TOR4A: variants seen among roughly 807,000 people sequenced by gnomAD.
TOR4A encodes torsin-4A.
TOR4A carries 12 observed loss-of-function variants against 11.5 expected under a neutral mutation model. That is an observed-to-expected ratio of 1.04 (90% CI 0.67 to 1.69). TOR4A has a LOEUF of 1.69. Among genes scored for constraint, TOR4A ranks in the 40% most tolerant of loss-of-function variants. The pLI, the probability that TOR4A is intolerant of heterozygous loss-of-function variation, is 0.00. For synonymous variants in TOR4A, 362 were observed against 307.4 expected (o/e 1.18, Z -1.86); for missense variants, 640 against 643.2 (o/e 0.99, Z 0.05).
rs1370499961 is a variant in TOR4A at position 137,280,109 on chromosome 9, G to C, written c.*148G>C. The C allele has an allele frequency of 1.1e-6, 1 of 877,178 alleles. No individual in the cohort carries two copies. Among genetic ancestry groups the C allele is most frequent in the East Asian group, 2.7e-5 (1 of 37,184 alleles). 54.3% of individuals were successfully genotyped at this position (877,178 alleles called of 1,614,324 possible). A position where few individuals can be genotyped will look rare whatever the true frequency, so the allele number is the denominator to read the frequency against. On this transcript the variant is annotated 3_prime_UTR_variant, in exon 2 of 2. Coordinates refer to ENST00000357503, the MANE Select transcript of TOR4A (RefSeq NM_017723.3). ...GGATCAGCTTGGAGCTCTGCTTCCA[G>C]GTCCACACCCGCCTCAGAGTCCGGA... is the stretch of plus-strand genomic sequence containing the variant.
At position 137,279,642 on chromosome 9, in the gene TOR4A, C is replaced by T. The variant is rs778311391; in HGVS notation, c.953C>T (p.Ala318Val). The stretch of plus-strand genomic sequence containing the variant: ...TTCGTGCTGCAGAACGCGTCCCGCG[C>T]GCTGCCCCTGCGCCCCGACGGCTTC... Reference protein sequence around the residue: ...TRFVLQNASRALPLRPDGFRS... With the variant: ...TRFVLQNASRVLPLRPDGFRS... The change falls in exon 2 of 2, where the codon GCG becomes GTG. Residue 318 changes from alanine to valine, a missense_variant. Transcript: ENST00000357503. 1.3e-5 allele frequency: 21 copies of T among 1,561,182 alleles called. No individual in the cohort carries two copies. The African/African-American group carries it at 2.4e-4, about 18-fold the overall frequency.
rs1235065218 is a variant in TOR4A, at chr9:137,279,940, G to A, written c.1251G>A (p.Val417=). ...EFAVTGCKQV[V]ATVNLL Reference sequence around the variant, plus strand: ...CCGTCACCGGCTGCAAGCAGGTGGTGGCCACGGTGAACCTCCTGTAGTGGA... The same window carrying A: ...CCGTCACCGGCTGCAAGCAGGTGGTAGCCACGGTGAACCTCCTGTAGTGGA... Residue 417 remains valine (V), a synonymous_variant, in exon 2 of 2, where the codon GTG becomes GTA. Coordinates refer to ENST00000357503, the MANE Select transcript of TOR4A (RefSeq NM_017723.3). The A allele has an allele frequency of 6.3e-7, 1 of 1,580,084 alleles. No homozygotes were observed. The highest frequency in any genetic ancestry group is 2.3e-5 in the East Asian group (1 of 43,106).
rs1009750430 is a variant in TOR4A, at chr9:137,282,266, T to C, written c.*2305T>C. On this transcript the variant is annotated 3_prime_UTR_variant, in exon 2 of 2. Coordinates refer to ENST00000357503, the MANE Select transcript of TOR4A (RefSeq NM_017723.3). ...CCCAGGCTGGAGTGCAATGACACGATCTCGGTTCACTGCAACCTCTGCCTC... is the reference window on the plus strand; with the variant it reads ...CCCAGGCTGGAGTGCAATGACACGACCTCGGTTCACTGCAACCTCTGCCTC... 1.2e-5 allele frequency: 2 copies of C among 163,848 alleles called. No individual in the cohort carries two copies. The highest frequency in any genetic ancestry group is 3.9e-4 in the East Asian group (2 of 5,188). 10.1% of individuals were successfully genotyped at this position (163,848 alleles called of 1,614,324 possible).
At position 137,279,894 on chromosome 9, in the gene TOR4A, G is replaced by T; in HGVS notation, c.1205G>T (p.Arg402Leu). 6.3e-7 allele frequency: 1 copy of T among 1,579,212 alleles called. No individual in the cohort carries two copies. Among genetic ancestry groups the T allele is most frequent in the Non-Finnish European group, 8.6e-7 (1 of 1,165,140 alleles). Reference sequence around the variant, plus strand: ...CTGGCCGCGCAGCTCAGCTTCTACCGCGTGGCTGGCCGCGAGTTTGCCGTC... The same window carrying T: ...CTGGCCGCGCAGCTCAGCTTCTACCTCGTGGCTGGCCGCGAGTTTGCCGTC... Reference protein sequence around the residue: ...ENLAAQLSFYRVAGREFAVTG... With the variant: ...ENLAAQLSFYLVAGREFAVTG... Residue 402 changes from arginine (R) to leucine (L), a missense_variant, in exon 2 of 2, where the codon CGC becomes CTC. Transcript: ENST00000357503.
At position 137,279,034 on chromosome 9, in the gene TOR4A, C is replaced by G; in HGVS notation, c.345C>G (p.His115Gln). The G allele has an allele frequency of 6.2e-7, 1 of 1,605,158 alleles. No homozygotes were observed. The highest frequency in any genetic ancestry group is 8.5e-7 in the Non-Finnish European group (1 of 1,176,512). ...GCAAGTATCGGCCGCGCGTGGAGCA[C>G]AGGAGCCGCGCGCAGCGCTGCCTTC... Reference protein sequence around the residue: ...TSRKYRPRVEHRSRAQRCLLL... With the variant: ...TSRKYRPRVEQRSRAQRCLLL... The change falls in exon 2 of 2, where the codon CAC becomes CAG. Residue 115 changes from histidine (H) to glutamine (Q), a missense_variant. His to Gln is a conservative substitution (Grantham distance 24). Coordinates refer to ENST00000357503, the MANE Select transcript of TOR4A (RefSeq NM_017723.3).
At position 137,279,851 on chromosome 9, in the gene TOR4A, C is replaced by A. The variant is rs762277072; in HGVS notation, c.1162C>A (p.Gln388Lys). 6 of 1,591,036 alleles carry A rather than the reference C, an allele frequency of 3.8e-6. No homozygotes were observed. The highest frequency in any genetic ancestry group is 5.1e-6 in the Non-Finnish European group (6 of 1,172,610). ...EMAGEGFFPD[Q>K]ARAENLAAQL... ...GGCGGGTGAGGGCTTCTTTCCTGAC[C>A]AGGCCCGCGCGGAGAACCTGGCCGC... is the stretch of plus-strand genomic sequence containing the variant. Residue 388 changes from glutamine (Q) to lysine (K), a missense_variant, in exon 2 of 2, where the codon CAG becomes AAG. Gln to Lys is a moderately conservative substitution (Grantham distance 53). Coordinates refer to ENST00000357503, the MANE Select transcript of TOR4A (RefSeq NM_017723.3).
chr9:137,279,289 G>C lies in TOR4A; in HGVS notation c.600G>C (p.Lys200Asn), dbSNP rs1830685269. 6.5e-7 allele frequency: 1 copy of C among 1,534,940 alleles called. No individual in the cohort carries two copies. The highest frequency in any genetic ancestry group is 8.7e-7 in the Non-Finnish European group (1 of 1,145,202). ...TGCACGGGCCCAGTGGCGTGGGCAA[G>C]AGCCACGTGGGCCGCCTGCTGGCGC... Reference protein sequence around the residue: ...LALHGPSGVGKSHVGRLLARH... With the variant: ...LALHGPSGVGNSHVGRLLARH... Residue 200 changes from lysine (K) to asparagine (N), a missense_variant, in exon 2 of 2, where the codon AAG becomes AAC. By Grantham distance (94) the Lys-to-Asn change is moderately conservative. Transcript: ENST00000357503.
In TOR4A at chr9:137,281,706, G is replaced by A. The variant is rs1830721424; in HGVS notation, c.*1745G>A. The A allele has an allele frequency of 6.3e-6, 1 of 158,836 alleles. No individual in the cohort carries two copies. Among genetic ancestry groups the A allele is most frequent in the Non-Finnish European group, 1.5e-5 (1 of 68,308 alleles). 9.8% of individuals were successfully genotyped at this position (158,836 alleles called of 1,614,324 possible). A position where few individuals can be genotyped will look rare whatever the true frequency, so the allele number is the denominator to read the frequency against. Reference sequence around the variant, plus strand: ...CGCTGCTCCTGGAGTCTTGGGGAGGGGTCCGGCTCCACGGGGTGGGGGTGG... The same window carrying A: ...CGCTGCTCCTGGAGTCTTGGGGAGGAGTCCGGCTCCACGGGGTGGGGGTGG... On this transcript the variant is annotated 3_prime_UTR_variant, in exon 2 of 2. Transcript: ENST00000357503.
Position 137,278,693 on chromosome 9 carries a change from G to T in TOR4A, c.4G>T (p.Asp2Tyr). M[D>Y]RGQPSLEPAA... ...TGCGGAGCGCCGTTCCTGCGACATG[G>T]ACCGCGGCCAGCCCAGCCTGGAGCC... Residue 2 changes from aspartate to tyrosine, a missense_variant, in exon 2 of 2, where the codon GAC (aspartate) becomes TAC (tyrosine). Coordinates refer to ENST00000357503, the MANE Select transcript of TOR4A (RefSeq NM_017723.3). 2.2e-6 allele frequency: 3 copies of T among 1,345,288 alleles called. No homozygotes were observed. The highest frequency in any genetic ancestry group is 3.7e-5 in the Admixed American group (1 of 26,782). The allele number at this position is 1,345,288 out of a possible 1,614,324, so 83.3% of individuals were successfully genotyped here. A position where few individuals can be genotyped will look rare whatever the true frequency, so the allele number is the denominator to read the frequency against.
rs369157401 is a variant in TOR4A, at chr9:137,279,922, C to T, written c.1233C>T (p.Thr411=). 35 of 1,579,976 alleles carry T rather than the reference C, an allele frequency of 2.2e-5. 1 individual carries two copies. The South Asian group carries it at 2.3e-4, about 10-fold the overall frequency. The change falls in exon 2 of 2, where the codon ACC becomes ACT. Residue 411 remains threonine (T), a synonymous_variant. Transcript: ENST00000357503. ...YRVAGREFAV[T]GCKQVVATVN... is the part of the protein sequence containing the mutation. The stretch of plus-strand genomic sequence containing the variant: ...TGGCTGGCCGCGAGTTTGCCGTCAC[C>T]GGCTGCAAGCAGGTGGTGGCCACGG...
rs745938558 is a variant in TOR4A at position 137,279,028 on chromosome 9, G to C, written c.339G>C (p.Val113=). 16 of 1,604,576 alleles carry C rather than the reference G, an allele frequency of 1.0e-5. No individual in the cohort carries two copies. The highest frequency in any genetic ancestry group is 1.3e-5 in the African/African-American group (1 of 74,738). Residue 113 remains valine, a synonymous_variant, in exon 2 of 2, where the codon GTG becomes GTC. Transcript: ENST00000357503. ...CCTCGCGCAAGTATCGGCCGCGCGT[G>C]GAGCACAGGAGCCGCGCGCAGCGCT... ...PETSRKYRPR[V]EHRSRAQRCL...
rs1434330998 is a variant in TOR4A at position 137,282,555 on chromosome 9, G to A, written c.*2594G>A. ...TGAGGCCAAATTCTGCGCTTAAGGA[G>A]AATGTGCACCAAGTGCTGGGGTGGG... On this transcript the variant is annotated 3_prime_UTR_variant, in exon 2 of 2. Coordinates refer to ENST00000357503, the MANE Select transcript of TOR4A (RefSeq NM_017723.3). 1.8e-5 allele frequency: 3 copies of A among 167,046 alleles called. No homozygotes were observed. Among genetic ancestry groups the A allele is most frequent in the African/African-American group, 7.2e-5 (3 of 41,422 alleles). 10.3% of individuals were successfully genotyped at this position (167,046 alleles called of 1,614,324 possible). A position where few individuals can be genotyped will look rare whatever the true frequency, so the allele number is the denominator to read the frequency against.
chr9:137,279,029 G>A lies in TOR4A; in HGVS notation c.340G>A (p.Glu114Lys), dbSNP rs1412061342. ...ETSRKYRPRVEHRSRAQRCLL... is the reference protein window; with the variant it reads ...ETSRKYRPRVKHRSRAQRCLL... ...CTCGCGCAAGTATCGGCCGCGCGTG[G>A]AGCACAGGAGCCGCGCGCAGCGCTG... The change falls in exon 2 of 2, where the codon GAG becomes AAG. Residue 114 changes from glutamate to lysine, a missense_variant. Glu to Lys is a moderately conservative substitution (Grantham distance 56). Transcript: ENST00000357503. 7.5e-6 allele frequency: 12 copies of A among 1,604,810 alleles called. No individual in the cohort carries two copies. The South Asian group carries it at 1.3e-4, about 18-fold the overall frequency.
At position 137,279,735 on chromosome 9, in the gene TOR4A, C is replaced by T. The variant is rs1213591697; in HGVS notation, c.1046C>T (p.Ser349Phe). 9.5e-6 allele frequency: 15 copies of T among 1,580,542 alleles called. No individual in the cohort carries two copies. Among genetic ancestry groups the T allele is most frequent in the Non-Finnish European group, 1.3e-5 (15 of 1,171,076 alleles). ...DLRASLLAVL[S>F]REHPLWQAAA... ...CGCGCCAGCCTGCTGGCTGTGCTGT[C>T]CCGGGAGCATCCGCTGTGGCAGGCC... The change falls in exon 2 of 2, where the codon TCC (serine) becomes TTC (phenylalanine). Residue 349 changes from serine (S) to phenylalanine (F), a missense_variant. Coordinates refer to ENST00000357503, the MANE Select transcript of TOR4A (RefSeq NM_017723.3).
Position 137,279,366 on chromosome 9 carries a change from C to T in TOR4A, c.677C>T (p.Ala226Val). ...EDSALVLQYH[A>V]RHHCPEARAA... ...AGCGCGCTCGTGCTGCAATACCATG[C>T]GCGGCACCACTGCCCCGAGGCGCGC... Residue 226 changes from alanine to valine, a missense_variant, in exon 2 of 2, where the codon GCG becomes GTG. Physicochemically the swap from Ala to Val is moderately conservative, Grantham distance 64. Transcript: ENST00000357503. 1 of 1,525,724 alleles carries T rather than the reference C, an allele frequency of 6.6e-7. No individual in the cohort carries two copies. Among genetic ancestry groups the T allele is most frequent in the Non-Finnish European group, 8.8e-7 (1 of 1,139,116 alleles). The allele number at this position is 1,525,724 out of a possible 1,614,324, so 94.5% of individuals were successfully genotyped here. A position where few individuals can be genotyped will look rare whatever the true frequency, so the allele number is the denominator to read the frequency against.
chr9:137,278,484 T>C (rs942201421), intron 1 of TOR4A, among the ~76,000 whole-genome samples, 169 bp from the exon 2 acceptor site: 1 of 147,926 alleles, frequency 6.8e-6, no homozygotes, highest in Non-Finnish European at 1.5e-5. Context: ...GAGGGGTCGC[T>C]TGCCGGTCTG....
In TOR4A at chr9:137,280,085, G is replaced by A. The variant is rs1251495296; in HGVS notation, c.*124G>A. The A allele has an allele frequency of 9.2e-7, 1 of 1,086,016 alleles. No homozygotes were observed. Among genetic ancestry groups the A allele is most frequent in the Non-Finnish European group, 1.3e-6 (1 of 765,890 alleles). The allele number at this position is 1,086,016 out of a possible 1,614,324, so 67.3% of individuals were successfully genotyped here. A position where few individuals can be genotyped will look rare whatever the true frequency, so the allele number is the denominator to read the frequency against. ...TGTGGCTGCCCGGCTGGTGGGTGCG[G>A]ATCAGCTTGGAGCTCTGCTTCCAGG... On this transcript the variant is annotated 3_prime_UTR_variant, in exon 2 of 2. Coordinates refer to ENST00000357503, the MANE Select transcript of TOR4A (RefSeq NM_017723.3).
In TOR4A at chr9:137,278,716, G is replaced by C. The variant is rs756782578; in HGVS notation, c.27G>C (p.Glu9Asp). The change falls in exon 2 of 2, where the codon GAG (glutamate) becomes GAC (aspartate). Residue 9 changes from glutamate to aspartate, a missense_variant. Transcript: ENST00000357503. ...TGGACCGCGGCCAGCCCAGCCTGGA[G>C]CCTGCTGCCGCGGCCCCCCGAGCCT... MDRGQPSL[E>D]PAAAAPRASG... is the part of the protein sequence containing the mutation. 3.3e-4 allele frequency: 447 copies of C among 1,374,104 alleles called. No homozygotes were observed. Among genetic ancestry groups the C allele is most frequent in the South Asian group, 6.2e-4 (37 of 59,790 alleles). 85.1% of individuals were successfully genotyped at this position (1,374,104 alleles called of 1,614,324 possible). A position where few individuals can be genotyped will look rare whatever the true frequency, so the allele number is the denominator to read the frequency against.
rs1367088425 is a variant in TOR4A at position 137,278,931 on chromosome 9, G to A, written c.242G>A (p.Ser81Asn). ...CAGCCAAAGTTCTTCACCTTCGACA[G>A]CCCCGCGGAGCTACCCTCCAGGACG... is the stretch of plus-strand genomic sequence containing the variant. ...LDQPKFFTFDSPAELPSRTPR... is the reference protein window; with the variant it reads ...LDQPKFFTFDNPAELPSRTPR... The change falls in exon 2 of 2, where the codon AGC becomes AAC. Residue 81 changes from serine (S) to asparagine (N), a missense_variant. Ser to Asn is a conservative substitution (Grantham distance 46, BLOSUM62 1). Coordinates refer to ENST00000357503, the MANE Select transcript of TOR4A (RefSeq NM_017723.3). The A allele has an allele frequency of 1.3e-6, 2 of 1,595,886 alleles. No homozygotes were observed. The highest frequency in any genetic ancestry group is 1.1e-5 in the South Asian group (1 of 89,574).
Sources: gnomAD v4.1 joint callset for allele counts (sites outside exome capture counted in the v4.1 genomes callset) on GRCh38, gnomAD v4.1.1 for gene constraint, MANE v1.5 for transcripts, NCBI Gene and HGNC (gene_info 2026-07-23, HGNC 2026-07-21) for gene names.